Variants in CHM observed in about 807,000 individuals in gnomAD.
CHM encodes the protein rab proteins geranylgeranyltransferase component A 1.
Under a neutral mutation model 49.0 loss-of-function variants are expected in CHM, and 10 were observed. The ratio of observed to expected loss-of-function variants is 0.20; its 90% CI spans 0.13 to 0.35. CHM has a LOEUF of 0.35. Ranked by LOEUF, CHM falls within the 10% of genes least tolerant of loss-of-function variation. CHM has a pLI of 1.00. For synonymous variants in CHM, 184 were observed against 167.5 expected, an observed-to-expected ratio of 1.10 and a Z score of -0.76; for missense variants, 455 against 478.4, an observed-to-expected ratio of 0.95 and a Z score of 0.46.
At chrX:85,990,231 C>T (rs1328397684) in intron 2 of CHM, among the ~76,000 whole-genome samples, 1 of 111,901 alleles carries the variant, frequency 8.9e-6, no homozygotes, top group African/African-American at 3.2e-5. Flanking sequence ...AGCAAACTAA[C>T]GCAGGAACAG....
At chrX:85,984,923 G>A (rs946798332) in intron 2 of CHM, among the ~76,000 whole-genome samples, 14 of 112,075 alleles carry the variant, frequency 1.2e-4, no homozygotes, top group Non-Finnish European at 2.6e-4. Context: ...AAGACTGGGA[G>A]TGGGGTCAGG....
intron 8 of CHM, among the ~76,000 whole-genome samples, chrX:85,925,579 A>T: frequency 9.0e-6 from 1 of 111,510 alleles, no homozygotes; most frequent in Admixed American, 9.6e-5. Context: ...TAGAATCTCT[A>T]TAAGATTTCT....
chrX:85,999,893 C>A (rs937301034), intron 2 of CHM, among the ~76,000 whole-genome samples: 11 of 111,960 alleles, frequency 9.8e-5, no homozygotes, highest in African/African-American at 3.6e-4. Context: ...ATAAGATTAG[C>A]TGCTCTTGAT....
intron 2 of CHM, among the ~76,000 whole-genome samples, chrX:86,003,824 T>C (rs1241696099): frequency 8.9e-6 from 1 of 111,828 alleles, no homozygotes; most frequent in Non-Finnish European, 1.9e-5. Flanking sequence ...TGGAAACAAG[T>C]TGGAAAACGC....
rs36027427 is a variant in CHM at position 85,868,019 on chromosome X, CTGTGTGTGTGTG to C, written c.1771-3210_1771-3199del. On this transcript the variant is annotated intron_variant, in intron 14 of 14. Transcript: ENST00000357749. ...CGTCCATCACCACTAATAGTTACCA[CTGTGTGTGTGTG>C]TGTGTGTGTGTGTGTGTGTGTGTTT... is the stretch of plus-strand genomic sequence containing the variant. Among the ~76,000 whole-genome samples, 6 of 95,812 alleles carry C rather than the reference CTGTGTGTGTGTG, an allele frequency of 6.3e-5. No individual in the cohort carries two copies. The South Asian group carries it at 2.0e-3, about 31-fold the overall frequency. 83.2% of individuals were successfully genotyped at this position (95,812 alleles called of 115,157 possible).
chrX:85,901,397 C>T (rs1926280041), intron 9 of CHM, among the ~76,000 whole-genome samples: 1 of 110,846 alleles, frequency 9.0e-6, no homozygotes, highest in African/African-American at 3.3e-5. Flanking sequence ...TTTTAAAGTA[C>T]AAAATGAACA....
At chrX:85,934,846 T>A (rs1214899259) in intron 8 of CHM, among the ~76,000 whole-genome samples, 1 of 111,436 alleles carries the variant, frequency 9.0e-6, no homozygotes, top group African/African-American at 3.3e-5. Context: ...GTAATATACC[T>A]TCTTGTTCAT....
At chrX:85,978,564 G>T (rs1456289625) in intron 4 of CHM, 7 of 308,846 alleles carry the variant, frequency 2.3e-5, no homozygotes, top group African/African-American at 1.4e-4. Context: ...AAACGGCTTG[G>T]TAAATTCGGA....
chrX:86,036,508 TG>T (rs1184187499), intron 1 of CHM, among the ~76,000 whole-genome samples: 1 of 110,833 alleles, frequency 9.0e-6, no homozygotes, highest in East Asian at 2.9e-4. Flanking sequence ...TGTTTCCTAT[TG>T]GACCTAAAAG....
At chrX:85,908,159 C>T (rs1486659893) in intron 9 of CHM, among the ~76,000 whole-genome samples, 1 of 111,945 alleles carries the variant, frequency 8.9e-6, no homozygotes, top group Non-Finnish European at 1.9e-5. Flanking sequence ...TAGTGAGTAC[C>T]CTAATTATAC....
intron 4 of CHM, among the ~76,000 whole-genome samples, chrX:85,976,598 T>C (rs1931273541): frequency 9.3e-6 from 1 of 107,523 alleles, no homozygotes; most frequent in Non-Finnish European, 1.9e-5. Context: ...CACTCCAGCT[T>C]GGGTAGCAGA....
chrX:85,887,927 C>T (rs1419435875), intron 12 of CHM, among the ~76,000 whole-genome samples: 1 of 111,761 alleles, frequency 8.9e-6, no homozygotes, highest in Non-Finnish European at 1.9e-5. Context: ...CTGTTAAAGG[C>T]ATCCGGTTTT....
At chrX:86,005,682 C>T (rs890459482) in intron 2 of CHM, among the ~76,000 whole-genome samples, 1 of 111,621 alleles carries the variant, frequency 9.0e-6, no homozygotes, top group Non-Finnish European at 1.9e-5. Flanking sequence ...ATAAATTCCT[C>T]GACACATACA....
At chrX:86,041,023 G>T (rs914612302) in intron 1 of CHM, among the ~76,000 whole-genome samples, 1 of 111,975 alleles carries the variant, frequency 8.9e-6, no homozygotes, top group Non-Finnish European at 1.9e-5. Context: ...GAGTTAACAG[G>T]TCAATTATAT....
At chrX:85,959,348 A>G (rs1348157150) in intron 5 of CHM, among the ~76,000 whole-genome samples, 6 of 110,035 alleles carry the variant, frequency 5.5e-5, no homozygotes, top group Non-Finnish European at 1.1e-4. Flanking sequence ...CATATAACAT[A>G]TCAGTATATG....
At chrX:85,972,482 T>A (rs1259421971) in intron 4 of CHM, among the ~76,000 whole-genome samples, 1 of 113,209 alleles carries the variant, frequency 8.8e-6, no homozygotes, top group East Asian at 2.8e-4. Flanking sequence ...CATGGCGGGC[T>A]GCAGTCCCGA....
At chrX:85,964,801 C>T (rs767034718) in intron 4 of CHM, among the ~76,000 whole-genome samples, 69 of 112,031 alleles carry the variant, frequency 6.2e-4, no homozygotes, top group African/African-American at 2.2e-3. Context: ...ATTCTCAGTC[C>T]ACCATTGTCT....
At chrX:85,998,450 T>A (rs1228523935) in intron 2 of CHM, among the ~76,000 whole-genome samples, 2 of 112,032 alleles carry the variant, frequency 1.8e-5, no homozygotes, top group African/African-American at 6.5e-5. Flanking sequence ...AGATGTGCCT[T>A]GACTTATGAT....
intron 2 of CHM, among the ~76,000 whole-genome samples, chrX:86,018,642 C>T (rs1167896093): frequency 8.9e-6 from 1 of 111,936 alleles, no homozygotes; most frequent in East Asian, 2.8e-4. Flanking sequence ...CTCCAGGTAC[C>T]CTTCAACAGA....
Sources: allele counts gnomAD v4.1 joint callset (sites outside exome capture counted in the v4.1 genomes callset), GRCh38; gene constraint gnomAD v4.1.1; transcripts MANE v1.5; gene names NCBI Gene and HGNC (gene_info 2026-07-23, HGNC 2026-07-21).